L3MBTL4: variants seen among roughly 807,000 people sequenced by gnomAD.
L3MBTL4 encodes the protein L3MBTL histone methyl-lysine binding protein 4.
Under a neutral mutation model 84.5 loss-of-function variants are expected in L3MBTL4, and 70 were observed. The observed-to-expected ratio is 0.83, with a 90% confidence interval of 0.68 to 1.01. L3MBTL4 has a LOEUF of 1.01. L3MBTL4 is among the 50% of genes least tolerant of loss of function. The pLI is 0.00. For synonymous variants in L3MBTL4, 274 were observed against 259.8 expected, an observed-to-expected ratio of 1.05 and a Z score of -0.52; for missense variants, 715 against 754.8, an observed-to-expected ratio of 0.95 and a Z score of 0.62.
At chr18:6,111,723 G>A (rs1312004662) in intron 14 of L3MBTL4, among the ~76,000 whole-genome samples, 1 of 152,102 alleles carries the variant, frequency 6.6e-6, no homozygotes, top group Non-Finnish European at 1.5e-5. Context: ...TTATATAGAT[G>A]TATATACATA....
At chr18:6,246,024 G>A (rs79085111) in intron 5 of L3MBTL4, among the ~76,000 whole-genome samples, 4,406 of 152,194 alleles carry the variant, frequency 0.029, 217 homozygotes, top group African/African-American at 0.099. Context: ...CAAGAAAAGC[G>A]TTTTGAATAG....
chr18:6,166,394 C>T (rs941823852), intron 13 of L3MBTL4, among the ~76,000 whole-genome samples: 12 of 152,170 alleles, frequency 7.9e-5, no homozygotes, highest in African/African-American at 2.9e-4. Flanking sequence ...AGCACCACAT[C>T]ACACCTATTC....
intron 13 of L3MBTL4, among the ~76,000 whole-genome samples, chr18:6,150,945 G>A (rs903392007): frequency 1.1e-4 from 17 of 152,174 alleles, no homozygotes; most frequent in African/African-American, 3.9e-4. Flanking sequence ...GCCTTAGTGA[G>A]TGTCTCAGTG....
intron 14 of L3MBTL4, among the ~76,000 whole-genome samples, chr18:6,128,107 C>A (rs1026765071): frequency 2.0e-5 from 3 of 149,448 alleles, no homozygotes; most frequent in Non-Finnish European, 4.4e-5. Context: ...AGAAAAGCTA[C>A]ACAATCTATC....
At chr18:6,162,582 T>C (rs964525544) in intron 13 of L3MBTL4, among the ~76,000 whole-genome samples, 1 of 152,216 alleles carries the variant, frequency 6.6e-6, no homozygotes, top group African/African-American at 2.4e-5. Context: ...AAGTTTAGTT[T>C]GAATTATATG....
intron 1 of L3MBTL4, among the ~76,000 whole-genome samples, chr18:6,333,687 C>T (rs1201274492): frequency 6.7e-6 from 1 of 150,320 alleles, no homozygotes; most frequent in African/African-American, 2.5e-5. Flanking sequence ...GGGAGCATAG[C>T]TCCAGCCGTA....
At chr18:6,305,485 G>GA (rs1270291342) in intron 3 of L3MBTL4, among the ~76,000 whole-genome samples, 1 of 152,038 alleles carries the variant, frequency 6.6e-6, no homozygotes, top group Non-Finnish European at 1.5e-5. Context: ...AAAAACAAAA[G>GA]AAAAAATTAG....
chr18:6,362,007 G>A lies in L3MBTL4; in HGVS notation c.-90-49951C>T, dbSNP rs993414667. Among the ~76,000 whole-genome samples, 65 of 151,788 alleles carry A rather than the reference G, an allele frequency of 4.3e-4. 1 individual carries two copies. The highest frequency in any genetic ancestry group is 1.5e-3 in the African/African-American group (64 of 41,302). ...ACCTGTAGTCCCAGCTACTTGAGAG[G>A]CTGAGGTGGGTGGATCCCTTGAGCC... On this transcript the variant is annotated intron_variant, in intron 1 of 18. Coordinates refer to ENST00000317931, the MANE Select transcript of L3MBTL4 (RefSeq NM_001330559.2).
At chr18:6,224,402 A>C (rs1327382707) in intron 10 of L3MBTL4, among the ~76,000 whole-genome samples, 1 of 152,236 alleles carries the variant, frequency 6.6e-6, no homozygotes, top group Non-Finnish European at 1.5e-5. Flanking sequence ...GGCTAAACAC[A>C]GACACTGGTC....
intron 16 of L3MBTL4, among the ~76,000 whole-genome samples, chr18:5,998,552 C>A (rs1004664040): frequency 6.6e-5 from 10 of 152,058 alleles, no homozygotes; most frequent in Non-Finnish European, 1.5e-5. Flanking sequence ...AGTACTTTGT[C>A]CCCATTTGGC....
intron 11 of L3MBTL4, 72 bp from the exon 12 acceptor site, chr18:6,213,331 A>G: frequency 1.3e-6 from 1 of 767,722 alleles, no homozygotes; most frequent in Non-Finnish European, 2.1e-6. Flanking sequence ...AATTTTTTCT[A>G]AAATACTACT....
At chr18:6,285,530 C>A (rs1235429152) in intron 4 of L3MBTL4, among the ~76,000 whole-genome samples, 1 of 139,228 alleles carries the variant, frequency 7.2e-6, no homozygotes, top group Non-Finnish European at 1.5e-5. Context: ...ATGTGAAAGT[C>A]ATCATATAAA....
At chr18:5,989,213 G>A (rs148943462) in intron 16 of L3MBTL4, among the ~76,000 whole-genome samples, 2 of 152,276 alleles carry the variant, frequency 1.3e-5, no homozygotes, top group Non-Finnish European at 2.9e-5. Context: ...AAAACCTCTT[G>A]ATTTTTAAAT....
intron 16 of L3MBTL4, among the ~76,000 whole-genome samples, chr18:6,013,967 C>T (rs1567983366): frequency 6.6e-6 from 1 of 152,146 alleles, no homozygotes; most frequent in Non-Finnish European, 1.5e-5. Flanking sequence ...ACTCTGAGGG[C>T]AGGCAGCCTG....
intron 1 of L3MBTL4, among the ~76,000 whole-genome samples, chr18:6,333,931 T>C (rs2052186786): frequency 1.3e-5 from 2 of 152,228 alleles, no homozygotes; most frequent in African/African-American, 4.8e-5. Flanking sequence ...ATCTGTGTTC[T>C]AGCCAGAAAT....
intron 16 of L3MBTL4, among the ~76,000 whole-genome samples, chr18:5,986,000 A>C (rs75071188): frequency 0.017 from 2,519 of 152,278 alleles, 57 homozygotes; most frequent in African/African-American, 0.054. Flanking sequence ...AGGGGTGCTG[A>C]GCAAGAATGC....
intron 15 of L3MBTL4, among the ~76,000 whole-genome samples, chr18:6,083,693 C>T (rs1308939131): frequency 6.6e-6 from 1 of 152,186 alleles, no homozygotes; most frequent in Non-Finnish European, 1.5e-5. Context: ...TTTATATAGT[C>T]ATAATAGCTC....
intron 14 of L3MBTL4, among the ~76,000 whole-genome samples, chr18:6,134,490 T>C (rs2059971141): frequency 6.6e-6 from 1 of 152,302 alleles, no homozygotes; most frequent in Admixed American, 6.5e-5. Flanking sequence ...TATGAGCCTG[T>C]AAAATCAAAA....
At chr18:5,989,014 A>G (rs1414487109) in intron 16 of L3MBTL4, among the ~76,000 whole-genome samples, 1 of 152,186 alleles carries the variant, frequency 6.6e-6, no homozygotes, top group Non-Finnish European at 1.5e-5. Flanking sequence ...TGCACCTTTG[A>G]GGACTTCCAC....
Sources: allele counts gnomAD v4.1 joint callset (sites outside exome capture counted in the v4.1 genomes callset), GRCh38; gene constraint gnomAD v4.1.1; transcripts MANE v1.5; gene names NCBI Gene and HGNC (gene_info 2026-07-23, HGNC 2026-07-21).